The following ABAT variants were observed in gnomAD, a reference collection of about 807,000 sequenced individuals.
The protein encoded by ABAT is 4-aminobutyrate aminotransferase.
In ABAT, 45 loss-of-function variants were observed where a neutral mutation model predicts 64.6. The observed-to-expected ratio is 0.70, with a 90% CI of 0.55 to 0.89. ABAT has a LOEUF of 0.89. Ranked by LOEUF, ABAT falls within the 40% of genes least tolerant of loss-of-function variation. The pLI is 0.00. For synonymous variants in ABAT, 297 were observed against 250.5 expected (o/e 1.19, Z -1.75); for missense variants, 633 against 658.4 (o/e 0.96, Z 0.42).
intron 1 of ABAT, among the ~76,000 whole-genome samples, chr16:8,706,810 G>C (rs911281195): frequency 2.6e-5 from 4 of 152,214 alleles, no homozygotes; most frequent in African/African-American, 9.6e-5. Flanking sequence ...CAAGACAATT[G>C]TATATCCACA....
At chr16:8,747,043 C>T (rs2059352828) in intron 3 of ABAT, among the ~76,000 whole-genome samples, 1 of 152,140 alleles carries the variant, frequency 6.6e-6, no homozygotes, top group Non-Finnish European at 1.5e-5. Flanking sequence ...ATGGCAATGG[C>T]AAAGGTGTAC....
intron 1 of ABAT, among the ~76,000 whole-genome samples, chr16:8,716,251 T>A (rs1422919240): frequency 6.6e-6 from 1 of 152,200 alleles, no homozygotes; most frequent in East Asian, 1.9e-4. Context: ...GGCTGTGTGA[T>A]GTCGGGCAAA....
chr16:8,745,954 G>A, intron 2 of ABAT, 47 bp from the exon 3 acceptor site: 1 of 1,567,742 alleles, frequency 6.4e-7, no homozygotes, highest in Non-Finnish European at 8.8e-7. Flanking sequence ...GAATCCTCAT[G>A]ATCTCTGCTG....
intron 1 of ABAT, among the ~76,000 whole-genome samples, chr16:8,697,282 G>A (rs1003748230): frequency 6.6e-6 from 1 of 152,158 alleles, no homozygotes; most frequent in Non-Finnish European, 1.5e-5. Flanking sequence ...AGAAGGTTGG[G>A]TTTTATTCTC....
chr16:8,688,130 C>G (rs1304031998), intron 1 of ABAT, among the ~76,000 whole-genome samples: 1 of 152,014 alleles, frequency 6.6e-6, no homozygotes, highest in African/African-American at 2.4e-5. Flanking sequence ...TCTCAAACTC[C>G]TGGCCTCAAG....
At chr16:8,712,293 A>C (rs1485058681) in intron 1 of ABAT, among the ~76,000 whole-genome samples, 1 of 152,224 alleles carries the variant, frequency 6.6e-6, no homozygotes, top group Non-Finnish European at 1.5e-5. Flanking sequence ...GCTTACTTTT[A>C]TGCAGGTTGA....
chr16:8,729,924 G>A (rs774468774), intron 1 of ABAT, among the ~76,000 whole-genome samples: 10 of 151,630 alleles, frequency 6.6e-5, no homozygotes, highest in Non-Finnish European at 1.5e-4. Context: ...AGTCAACCAT[G>A]GCCAGTAGGG....
intron 4 of ABAT, among the ~76,000 whole-genome samples, chr16:8,750,015 C>A (rs1248313627): frequency 1.3e-5 from 2 of 152,192 alleles, no homozygotes; most frequent in Non-Finnish European, 2.9e-5. Flanking sequence ...GCACTCAGCC[C>A]TCTTGTGATG....
chr16:8,747,107 G>C (rs1250993347), intron 3 of ABAT, among the ~76,000 whole-genome samples: 1 of 152,116 alleles, frequency 6.6e-6, no homozygotes, highest in Non-Finnish European at 1.5e-5. Context: ...TTCCGCATGG[G>C]TCCGCCATCA....
At chr16:8,756,646 CCTT>C (rs1416286570) in intron 5 of ABAT, among the ~76,000 whole-genome samples, 3 of 152,210 alleles carry the variant, frequency 2.0e-5, no homozygotes, top group Admixed American at 6.5e-5. Flanking sequence ...CTGTGTCTCT[CCTT>C]CTTCACTTAG....
intron 1 of ABAT, among the ~76,000 whole-genome samples, chr16:8,721,280 A>G (rs1200172330): frequency 6.6e-6 from 1 of 152,178 alleles, no homozygotes; most frequent in Non-Finnish European, 1.5e-5. Context: ...TTCTCCCTGT[A>G]TCCATGGGAT....
chr16:8,687,387 G>A (rs1387840604), intron 1 of ABAT, among the ~76,000 whole-genome samples: 1 of 152,124 alleles, frequency 6.6e-6, no homozygotes, highest in African/African-American at 2.4e-5. Context: ...TTAGCTGGGT[G>A]TTGTGGCGCA....
intron 1 of ABAT, among the ~76,000 whole-genome samples, chr16:8,725,124 C>T (rs2058508143): frequency 6.6e-6 from 1 of 152,126 alleles, no homozygotes; most frequent in Admixed American, 6.5e-5. Context: ...CCATGTTGGT[C>T]GGGCTGGTCT....
chr16:8,698,051 C>G (rs1458993342), intron 1 of ABAT, among the ~76,000 whole-genome samples: 1 of 152,146 alleles, frequency 6.6e-6, no homozygotes, highest in Non-Finnish European at 1.5e-5. Flanking sequence ...CTTTCTGGAG[C>G]TGCCGCAAAA....
intron 1 of ABAT, among the ~76,000 whole-genome samples, chr16:8,700,719 C>T (rs2057802694): frequency 6.6e-6 from 1 of 152,114 alleles, no homozygotes; most frequent in Non-Finnish European, 1.5e-5. Context: ...ACTCAGCTTC[C>T]CAAGTTGTTG....
At chr16:8,743,267 T>A (rs1038016129) in intron 2 of ABAT, among the ~76,000 whole-genome samples, 1 of 150,998 alleles carries the variant, frequency 6.6e-6, no homozygotes, top group African/African-American at 2.4e-5. Context: ...TAAATATGTT[T>A]CAAAATCTCA....
At chr16:8,726,170 G>A (rs1316075732) in intron 1 of ABAT, among the ~76,000 whole-genome samples, 1 of 151,618 alleles carries the variant, frequency 6.6e-6, no homozygotes, top group Non-Finnish European at 1.5e-5. Flanking sequence ...ACAAATAAGT[G>A]AGAACACATG....
rs1041345477 is a variant in ABAT at position 8,735,558 on chromosome 16, T to C, written c.-41-141T>C. On this transcript the variant is annotated intron_variant, in intron 1 of 15. Coordinates refer to ENST00000268251, the MANE Select transcript of ABAT (RefSeq NM_020686.6). ...ACCTTGCCTGGCCTAATATATAAAG[T>C]CCATGTTCAGTATAAAACCCAAGCA... 12 of 758,192 alleles carry C rather than the reference T, an allele frequency of 1.6e-5. No individual in the cohort carries two copies. In the African/African-American group the frequency reaches 1.9e-4, roughly 12 times the overall value. 47.0% of individuals were successfully genotyped at this position (758,192 alleles called of 1,614,324 possible).
At chr16:8,747,274 A>T (rs2059360775) in intron 3 of ABAT, among the ~76,000 whole-genome samples, 1 of 151,830 alleles carries the variant, frequency 6.6e-6, no homozygotes, top group Admixed American at 6.6e-5. Context: ...ATGCAAATTT[A>T]TTTTTTCTTT....
Sources: allele counts gnomAD v4.1 joint callset (sites outside exome capture counted in the v4.1 genomes callset), GRCh38; gene constraint gnomAD v4.1.1; transcripts MANE v1.5; gene names NCBI Gene and HGNC (gene_info 2026-07-23, HGNC 2026-07-21).